STK40: variants seen among roughly 807,000 people sequenced by gnomAD.
STK40 encodes serine/threonine-protein kinase 40.
A neutral mutation model predicts 47.9 loss-of-function variants in STK40; 13 were observed. That is an observed-to-expected ratio of 0.27 (90% confidence interval 0.18 to 0.43). The LOEUF (loss-of-function observed/expected upper bound fraction) is 0.43, where lower values mean the gene tolerates loss of function less well. Among genes scored for constraint, STK40 ranks in the 20% least tolerant of loss-of-function variants. The probability of loss-of-function intolerance (pLI) is 1.00; values close to 1 mark genes in which losing one functional copy is unlikely to be tolerated. For missense variants in STK40, 460 were observed against 595.1 expected (o/e 0.77, Z 2.36); for synonymous variants, 225 against 243.2 (o/e 0.93, Z 0.69).
chr1:36,358,236 C>T lies in STK40; in HGVS notation c.342+3G>A, dbSNP rs748071982. On this transcript the variant is annotated splice_donor_region_variant and intron_variant, in intron 4 of 10. Coordinates refer to ENST00000373132, the MANE Select transcript of STK40 (RefSeq NM_001282547.2). ...GCGAAGGGTGAGGGGGAAGGCCGCT[C>T]ACCTGGAAGAGGCCGTGGTGGTGCA... is the stretch of plus-strand genomic sequence containing the variant. 1.5e-5 allele frequency: 24 copies of T among 1,580,496 alleles called. 1 individual carries two copies. The Middle Eastern group carries it at 2.9e-3, about 189-fold the overall frequency.
intron 10 of STK40, chr1:36,342,994 GA>G: frequency 1.7e-6 from 1 of 595,144 alleles, no homozygotes. Context: ...GAAATAGGGA[GA>G]AATGAATCAT....
At chr1:36,354,450 A>C (rs781389097) in intron 5 of STK40, 34 bp from the exon 6 acceptor site, 15 of 1,613,060 alleles carry the variant, frequency 9.3e-6, no homozygotes, top group Non-Finnish European at 1.3e-5. Context: ...TTACATTGTC[A>C]ATGTGAGAGG....
intron 1 of STK40, among the ~76,000 whole-genome samples, chr1:36,369,778 A>C (rs543640265): frequency 6.4e-4 from 98 of 152,298 alleles, no homozygotes; most frequent in African/African-American, 2.2e-3. Context: ...GAGCAACTCC[A>C]ATCCACCGCT....
intron 1 of STK40, among the ~76,000 whole-genome samples, chr1:36,370,944 T>C (rs1646940859): frequency 6.6e-6 from 1 of 151,664 alleles, no homozygotes; most frequent in Non-Finnish European, 1.5e-5. Context: ...TGGCAAGATG[T>C]CGGCTCACTG....
chr1:36,383,560 C>T (rs1647058946), intron 1 of STK40, among the ~76,000 whole-genome samples: 1 of 152,234 alleles, frequency 6.6e-6, no homozygotes, highest in Non-Finnish European at 1.5e-5. Context: ...CCGAAGAGTT[C>T]TCCAGCCCTT....
intron 6 of STK40, among the ~76,000 whole-genome samples, chr1:36,349,781 C>T (rs1475508041): frequency 6.6e-6 from 1 of 151,916 alleles, no homozygotes; most frequent in Non-Finnish European, 1.5e-5. Context: ...GGAGGGTGGG[C>T]AGGCCCTGTC....
At chr1:36,373,322 A>G (rs948947915) in intron 1 of STK40, among the ~76,000 whole-genome samples, 2 of 151,930 alleles carry the variant, frequency 1.3e-5, no homozygotes, top group African/African-American at 4.8e-5. Flanking sequence ...TTATCATTTG[A>G]TGGGCACCCA....
intron 7 of STK40, among the ~76,000 whole-genome samples, chr1:36,346,311 A>G (rs1311635979): frequency 6.6e-6 from 1 of 152,080 alleles, no homozygotes; most frequent in Non-Finnish European, 1.5e-5. Flanking sequence ...GGCATTATTT[A>G]ATCCCTCAAG....
chr1:36,344,916 G>C (rs895358841), intron 7 of STK40, among the ~76,000 whole-genome samples: 4 of 152,266 alleles, frequency 2.6e-5, no homozygotes, highest in African/African-American at 9.6e-5. Context: ...AGCATGGGAA[G>C]AAACACTTTT....
In STK40 at chr1:36,354,432, C is replaced by A. The variant is rs766338622; in HGVS notation, c.571-16G>T. On this transcript the variant is annotated splice_polypyrimidine_tract_variant and intron_variant, in intron 5 of 10. Transcript: ENST00000373132. The stretch of plus-strand genomic sequence containing the variant: ...CGATATTTTTCTGTAAAACAACAGG[C>A]GTATGGTTTACATTGTCAATGTGAG... 27 of 1,613,848 alleles carry A rather than the reference C, an allele frequency of 1.7e-5. No homozygotes were observed. The South Asian group carries it at 3.0e-4, about 18-fold the overall frequency.
intron 6 of STK40, among the ~76,000 whole-genome samples, chr1:36,350,804 C>T (rs145453651): frequency 6.6e-6 from 1 of 152,364 alleles, no homozygotes; most frequent in Admixed American, 6.5e-5. Flanking sequence ...GCTGGTGGGA[C>T]TTTCCCACCC....
chr1:36,381,746 C>T (rs919361076), intron 1 of STK40, among the ~76,000 whole-genome samples: 3 of 152,184 alleles, frequency 2.0e-5, no homozygotes, highest in African/African-American at 7.2e-5. Flanking sequence ...GCCTCGGCCT[C>T]CCAAAGTGTT....
rs867830215 is a variant in STK40 at position 36,370,585 on chromosome 1, G to A, written c.-8-9245C>T. On this transcript the variant is annotated intron_variant, in intron 1 of 10. Coordinates refer to ENST00000373132, the MANE Select transcript of STK40 (RefSeq NM_001282547.2). The stretch of plus-strand genomic sequence containing the variant: ...ACCACCCACGCTCTGCAGACCACCC[G>A]TGCACACTAGGTGGCTGCCAGGTCT... 2.6e-5 allele frequency among the ~76,000 whole-genome samples: 4 copies of A among 152,312 alleles called. No homozygotes were observed. In the East Asian group the frequency reaches 5.8e-4, roughly 22 times the overall value.
chr1:36,364,971 T>C (rs934863151), intron 1 of STK40, among the ~76,000 whole-genome samples: 1 of 152,026 alleles, frequency 6.6e-6, no homozygotes, highest in Non-Finnish European at 1.5e-5. Flanking sequence ...TCACATGCTA[T>C]TGTTTTGGTC....
At chr1:36,343,549 G>C in intron 9 of STK40, 101 bp from the exon 10 acceptor site, 1 of 1,152,856 alleles carries the variant, frequency 8.7e-7, no homozygotes, top group Non-Finnish European at 1.2e-6. Flanking sequence ...TTCCTGCCAT[G>C]AGAGACTGCT....
chr1:36,371,328 G>A (rs1179575693), intron 1 of STK40, among the ~76,000 whole-genome samples: 1 of 151,560 alleles, frequency 6.6e-6, no homozygotes, highest in Non-Finnish European at 1.5e-5. Context: ...GCTGAGGCGG[G>A]TGGATCATGA....
intron 5 of STK40, among the ~76,000 whole-genome samples, chr1:36,355,001 T>C (rs115713404): frequency 2.0e-5 from 3 of 152,312 alleles, no homozygotes; most frequent in African/African-American, 7.2e-5. Context: ...ACAGCTGGGC[T>C]GCAGGTCAGC....
At chr1:36,379,615 C>T (rs1437482430) in intron 1 of STK40, among the ~76,000 whole-genome samples, 5 of 151,956 alleles carry the variant, frequency 3.3e-5, no homozygotes, top group African/African-American at 2.4e-5. Context: ...CTCCTGACCT[C>T]GTGATCTGCC....
In STK40 at chr1:36,374,687, A is replaced by G. The variant is rs116177592; in HGVS notation, c.-9+11036T>C. Among the ~76,000 whole-genome samples the G allele has an allele frequency of 6.7e-3, 1,014 of 152,342 alleles. 13 individuals are homozygous for G. Among genetic ancestry groups the G allele is most frequent in the African/African-American group, 0.023 (969 of 41,558 alleles). On this transcript the variant is annotated intron_variant, in intron 1 of 10. Transcript: ENST00000373132. Reference sequence around the variant, plus strand: ...GCTTGGCCTCTCCATCCAGAGAGGTAGCCTGGGAAAGCAGCCAAGCACCCT... The same window carrying G: ...GCTTGGCCTCTCCATCCAGAGAGGTGGCCTGGGAAAGCAGCCAAGCACCCT...
Sources: allele counts gnomAD v4.1 joint callset (sites outside exome capture counted in the v4.1 genomes callset), GRCh38; gene constraint gnomAD v4.1.1; transcripts MANE v1.5; gene names NCBI Gene and HGNC (gene_info 2026-07-23, HGNC 2026-07-21).